Variants in EEFSEC observed in about 807,000 individuals in gnomAD.
EEFSEC encodes selenocysteine-specific elongation factor.
In EEFSEC, 43 loss-of-function variants were observed where a neutral mutation model predicts 42.1. That is an observed-to-expected ratio of 1.02 (90% CI 0.80 to 1.32). The LOEUF (loss-of-function observed/expected upper bound fraction) is 1.32. Among genes scored for constraint, EEFSEC ranks in the 40% most tolerant of loss-of-function variants. The pLI is 0.00. For missense variants in EEFSEC, 745 were observed against 803.6 expected, an observed-to-expected ratio of 0.93 and a Z score of 0.88; for synonymous variants, 354 against 339.1, an observed-to-expected ratio of 1.04 and a Z score of -0.48.
intron 4 of EEFSEC, among the ~76,000 whole-genome samples, chr3:128,272,970 C>T (rs2066430014): frequency 6.6e-6 from 1 of 152,190 alleles, no homozygotes; most frequent in African/African-American, 2.4e-5. Context: ...GAGTCCTGCC[C>T]CATCACTCAC....
chr3:128,404,691 C>T (rs1212233240), intron 6 of EEFSEC, among the ~76,000 whole-genome samples: 1 of 152,216 alleles, frequency 6.6e-6, no homozygotes, highest in South Asian at 2.1e-4. Context: ...CCATCCCAAG[C>T]GGGGGGCAGA....
chr3:128,270,506 A>G (rs896606764), intron 4 of EEFSEC, among the ~76,000 whole-genome samples: 2 of 152,246 alleles, frequency 1.3e-5, no homozygotes, highest in Admixed American at 6.5e-5. Context: ...AATCAAGTCT[A>G]TATTCAGATT....
chr3:128,245,832 A>C (rs2066121110), intron 1 of EEFSEC, among the ~76,000 whole-genome samples: 1 of 152,080 alleles, frequency 6.6e-6, no homozygotes, highest in African/African-American at 2.4e-5. Flanking sequence ...CGAAAAAAGA[A>C]AGGCCCTCCC....
intron 1 of EEFSEC, among the ~76,000 whole-genome samples, chr3:128,197,856 T>C (rs913460660): frequency 6.6e-6 from 1 of 152,192 alleles, no homozygotes; most frequent in African/African-American, 2.4e-5. Flanking sequence ...AAGGCAGTCC[T>C]GTCGCCAGCC....
intron 1 of EEFSEC, among the ~76,000 whole-genome samples, chr3:128,236,647 C>G (rs1162315431): frequency 6.6e-6 from 1 of 152,040 alleles, no homozygotes; most frequent in Non-Finnish European, 1.5e-5. Flanking sequence ...TCTTTATGCC[C>G]CTGCTTATTT....
chr3:128,372,673 T>C (rs1027209838), intron 6 of EEFSEC, among the ~76,000 whole-genome samples: 2 of 152,202 alleles, frequency 1.3e-5, no homozygotes, highest in Admixed American at 1.3e-4. Flanking sequence ...TTTGTTGAAA[T>C]CCACTACAGT....
At chr3:128,178,260 A>C (rs1361421540) in intron 1 of EEFSEC, among the ~76,000 whole-genome samples, 1 of 152,202 alleles carries the variant, frequency 6.6e-6, no homozygotes. Flanking sequence ...TCTTATTTTC[A>C]TGTAAAATGA....
intron 1 of EEFSEC, among the ~76,000 whole-genome samples, chr3:128,158,802 G>A (rs951486924): frequency 6.6e-6 from 1 of 152,208 alleles, no homozygotes; most frequent in African/African-American, 2.4e-5. Context: ...ATATCTTTGA[G>A]GTAAGCCTCA....
intron 1 of EEFSEC, 135 bp from the exon 2 acceptor site, chr3:128,246,701 G>A: frequency 1.1e-6 from 1 of 926,806 alleles, no homozygotes; most frequent in Non-Finnish European, 1.7e-6. Context: ...AGGGCCTGTA[G>A]CCAGAAGCTG....
the EEFSEC span, among the ~76,000 whole-genome samples, chr3:128,417,970 C>T: frequency 2.6e-5 from 4 of 152,098 alleles, no homozygotes; most frequent in Non-Finnish European, 4.4e-5. The surrounding 1 kb of genome is among the most constrained non-coding windows in gnomAD (Gnocchi z 4.3). Flanking sequence ...CCCAGCCTTG[C>T]CAGCCCACCC....
chr3:128,382,605 A>G (rs1187824987), intron 6 of EEFSEC, among the ~76,000 whole-genome samples: 1 of 152,152 alleles, frequency 6.6e-6, no homozygotes, highest in Admixed American at 6.5e-5. Flanking sequence ...TTTCGATTTT[A>G]TGGGCTTGTT....
At chr3:128,406,809 TCACA>T (rs978924695) in intron 6 of EEFSEC, among the ~76,000 whole-genome samples, 5 of 150,214 alleles carry the variant, frequency 3.3e-5, no homozygotes, top group Non-Finnish European at 7.4e-5. Flanking sequence ...TGAGACCCTG[TCACA>T]CACACACACA....
At chr3:128,252,246 G>A (rs919343058) in intron 2 of EEFSEC, among the ~76,000 whole-genome samples, 2 of 152,184 alleles carry the variant, frequency 1.3e-5, no homozygotes, top group Admixed American at 6.5e-5. Context: ...CAATCTCAAG[G>A]AATTTCTCTG....
chr3:128,321,307 T>C (rs1486824249), intron 4 of EEFSEC, among the ~76,000 whole-genome samples: 1 of 152,122 alleles, frequency 6.6e-6, no homozygotes, highest in Non-Finnish European at 1.5e-5. Flanking sequence ...ATAATTGCTC[T>C]CATGTGCCAG....
At chr3:128,229,371 G>C (rs116824346) in intron 1 of EEFSEC, among the ~76,000 whole-genome samples, 3,120 of 152,276 alleles carry the variant, frequency 0.02, 46 homozygotes, top group Middle Eastern at 0.044. Flanking sequence ...AGATTCGTCT[G>C]CTCTCATTTG....
chr3:128,312,715 C>T (rs899501236), intron 4 of EEFSEC, among the ~76,000 whole-genome samples: 3 of 152,228 alleles, frequency 2.0e-5, no homozygotes, highest in African/African-American at 7.2e-5. Context: ...GTGTGGCTTC[C>T]TCTAGCTGGA....
chr3:128,155,287 A>G (rs1176085268), intron 1 of EEFSEC, among the ~76,000 whole-genome samples: 6 of 151,816 alleles, frequency 4.0e-5, no homozygotes, highest in African/African-American at 1.2e-4. Context: ...GCTAATTTTT[A>G]TATTTTTAGT....
chr3:128,173,170 C>T (rs2065315585), intron 1 of EEFSEC, among the ~76,000 whole-genome samples: 1 of 152,174 alleles, frequency 6.6e-6, no homozygotes, highest in Non-Finnish European at 1.5e-5. Context: ...GGGTTTTGAG[C>T]TGAAGGCTTT....
chr3:128,401,131 G>A (rs2068043901), intron 6 of EEFSEC, among the ~76,000 whole-genome samples: 1 of 152,182 alleles, frequency 6.6e-6, no homozygotes, highest in South Asian at 2.1e-4. Context: ...CAGGTAGAGA[G>A]CCACCCTCCA....
Sources: gnomAD v4.1 joint callset for allele counts (sites outside exome capture counted in the v4.1 genomes callset) on GRCh38, gnomAD v4.1.1 for gene constraint, Gnocchi (gnomAD v3.1) non-coding constraint, MANE v1.5 for transcripts, NCBI Gene and HGNC (gene_info 2026-07-23, HGNC 2026-07-21) for gene names.